CSMD3: variants seen among roughly 807,000 people sequenced by gnomAD.
CSMD3 encodes CUB and Sushi multiple domains 3.
CSMD3 carries 177 observed loss-of-function variants against 435.2 expected under a neutral mutation model. The ratio of observed to expected loss-of-function variants is 0.41; its 90% CI spans 0.36 to 0.46. The LOEUF (loss-of-function observed/expected upper bound fraction) is 0.46. Among genes scored for constraint, CSMD3 ranks in the 20% least tolerant of loss-of-function variants. The pLI is 0.34. For synonymous variants in CSMD3, 1,656 were observed against 1,520.5 expected (o/e 1.09, Z -2.07); for missense variants, 4,265 against 4,504.6 (o/e 0.95, Z 1.52).
intron 5 of CSMD3, among the ~76,000 whole-genome samples, chr8:113,075,764 T>C (rs2089309887): frequency 6.6e-6 from 1 of 151,844 alleles, no homozygotes; most frequent in African/African-American, 2.4e-5. Flanking sequence ...TAAATGTTGA[T>C]ATTGACCCTT....
intron 12 of CSMD3, among the ~76,000 whole-genome samples, chr8:112,802,508 TA>T (rs935507457): frequency 1.3e-5 from 2 of 152,116 alleles, no homozygotes; most frequent in Admixed American, 6.6e-5. Flanking sequence ...AGCTATATAT[TA>T]TTTCTCTTTT....
intron 27 of CSMD3, among the ~76,000 whole-genome samples, chr8:112,542,310 C>T (rs899712195): frequency 1.5e-4 from 20 of 132,708 alleles, no homozygotes; most frequent in Non-Finnish European, 2.8e-4. Flanking sequence ...CTGGCCAGAG[C>T]AGTTTAGGAA....
chr8:113,128,767 T>C (rs2091208432), intron 4 of CSMD3, among the ~76,000 whole-genome samples: 1 of 152,102 alleles, frequency 6.6e-6, no homozygotes, highest in Non-Finnish European at 1.5e-5. Flanking sequence ...AAAATACTGC[T>C]CTCATTGTCT....
intron 10 of CSMD3, among the ~76,000 whole-genome samples, chr8:112,877,538 G>A (rs928262492): frequency 3.3e-5 from 5 of 152,086 alleles, no homozygotes; most frequent in African/African-American, 1.2e-4. Context: ...AAAGTGCTGG[G>A]ATTACAGGCA....
chr8:112,935,412 T>A lies in CSMD3; in HGVS notation c.1508+12378A>T, dbSNP rs577861960. ...GCTTTCATGTGAATTTTAAGGTTTT[T>A]ATTTTATTTTATTTTTGTATTTCTG... On this transcript the variant is annotated intron_variant, in intron 9 of 70. Transcript: ENST00000297405. 2.6e-5 allele frequency among the ~76,000 whole-genome samples: 4 copies of A among 152,150 alleles called. No homozygotes were observed. In the South Asian group the frequency reaches 8.3e-4, roughly 32 times the overall value.
intron 3 of CSMD3, among the ~76,000 whole-genome samples, chr8:113,192,933 CT>C (rs1310265394): frequency 6.6e-6 from 1 of 151,484 alleles, no homozygotes; most frequent in East Asian, 2.0e-4. Context: ...AATAAATGTT[CT>C]GAGTACAAGT....
chr8:113,046,196 G>A (rs2087821499), intron 5 of CSMD3, among the ~76,000 whole-genome samples: 1 of 148,876 alleles, frequency 6.7e-6, no homozygotes, highest in Non-Finnish European at 1.5e-5. Flanking sequence ...CAGTCAGGCT[G>A]ACGCCAACCA....
At chr8:112,673,291 G>A (rs960846916) in intron 16 of CSMD3, among the ~76,000 whole-genome samples, 2 of 151,818 alleles carry the variant, frequency 1.3e-5, no homozygotes, top group Non-Finnish European at 2.9e-5. Context: ...AGTCAGGTAT[G>A]TATCTAGGAT....
intron 10 of CSMD3, among the ~76,000 whole-genome samples, chr8:112,915,716 C>G (rs1040439773): frequency 6.6e-6 from 1 of 151,742 alleles, no homozygotes; most frequent in African/African-American, 2.4e-5. Flanking sequence ...AGCAGTTTTA[C>G]AATCAATAAC....
intron 13 of CSMD3, among the ~76,000 whole-genome samples, chr8:112,740,644 C>T (rs991706966): frequency 6.6e-6 from 1 of 151,776 alleles, no homozygotes; most frequent in Non-Finnish European, 1.5e-5. Context: ...GTAGAGCAGG[C>T]CATGTTTAAA....
At chr8:113,236,757 C>T (rs966074811) in intron 3 of CSMD3, among the ~76,000 whole-genome samples, 1 of 152,142 alleles carries the variant, frequency 6.6e-6, no homozygotes, top group African/African-American at 2.4e-5. Flanking sequence ...TGGGACTTCT[C>T]ACCCTCTATA....
chr8:112,878,848 G>T (rs192693724), intron 10 of CSMD3, among the ~76,000 whole-genome samples: 22 of 152,026 alleles, frequency 1.4e-4, no homozygotes, highest in Non-Finnish European at 2.5e-4. Flanking sequence ...AGATTTCATG[G>T]ACATTTATTA....
intron 49 of CSMD3, among the ~76,000 whole-genome samples, 181 bp downstream of exon 49, chr8:112,313,725 G>A (rs946836242): frequency 1.3e-5 from 2 of 151,740 alleles, no homozygotes; most frequent in African/African-American, 4.8e-5. Context: ...AATCATATGA[G>A]GGATGTAGAA....
intron 3 of CSMD3, among the ~76,000 whole-genome samples, chr8:113,253,714 C>T (rs1389860217): frequency 6.6e-6 from 1 of 151,916 alleles, no homozygotes; most frequent in Admixed American, 6.6e-5. Flanking sequence ...GTGATGTGTG[C>T]TGTAAGCCCA....
chr8:113,337,562 G>A (rs1243265749), intron 1 of CSMD3, among the ~76,000 whole-genome samples: 1 of 152,034 alleles, frequency 6.6e-6, no homozygotes, highest in African/African-American at 2.4e-5. Context: ...AAAACTTTAT[G>A]TCTTTGGTTT....
intron 5 of CSMD3, among the ~76,000 whole-genome samples, chr8:113,093,625 G>A (rs2090074349): frequency 6.6e-6 from 1 of 151,944 alleles, no homozygotes; most frequent in African/African-American, 2.4e-5. Flanking sequence ...AAGAAAATTG[G>A]GGCATGACAC....
intron 10 of CSMD3, among the ~76,000 whole-genome samples, chr8:112,882,443 A>G (rs1359766107): frequency 1.3e-5 from 2 of 151,998 alleles, no homozygotes; most frequent in Non-Finnish European, 2.9e-5. Flanking sequence ...TCCTTTGCAC[A>G]TGGATTCTGT....
intron 13 of CSMD3, among the ~76,000 whole-genome samples, chr8:112,794,050 A>G (rs1457085867): frequency 6.6e-6 from 1 of 152,100 alleles, no homozygotes; most frequent in Non-Finnish European, 1.5e-5. Flanking sequence ...CACAATTGAA[A>G]GACCAAGTTC....
chr8:113,237,889 A>C (rs991162599), intron 3 of CSMD3, among the ~76,000 whole-genome samples: 6 of 152,198 alleles, frequency 3.9e-5, no homozygotes, highest in Non-Finnish European at 7.4e-5. Flanking sequence ...AGCCTGGCCA[A>C]TATGGTGAAG....
Sources: allele counts gnomAD v4.1 joint callset (sites outside exome capture counted in the v4.1 genomes callset), GRCh38; gene constraint gnomAD v4.1.1; transcripts MANE v1.5; gene names NCBI Gene and HGNC (gene_info 2026-07-23, HGNC 2026-07-21).